MINDY4: variants seen among roughly 807,000 people sequenced by gnomAD.
MINDY4 encodes the protein probable ubiquitin carboxyl-terminal hydrolase MINDY-4.
A neutral mutation model predicts 87.0 loss-of-function variants in MINDY4; 68 were observed. That is an observed-to-expected ratio of 0.78 (90% CI 0.64 to 0.96). The LOEUF (loss-of-function observed/expected upper bound fraction) is 0.96. MINDY4 is among the 40% of genes least tolerant of loss of function. The probability of loss-of-function intolerance (pLI) is 0.00; values close to 1 mark genes in which losing one functional copy is unlikely to be tolerated. For missense variants in MINDY4, 919 were observed against 928.2 expected (o/e 0.99, Z 0.13); for synonymous variants, 379 against 363.2 (o/e 1.04, Z -0.50).
At chr7:30,803,263 G>C (rs1787711514) in intron 5 of MINDY4, 1 of 152,218 alleles carries the variant, frequency 6.6e-6, no homozygotes, top group East Asian at 1.9e-4. Context: ...GAGTATAGGG[G>C]TGACTTGTCT....
chr7:30,844,697 G>A (rs546227811), intron 9 of MINDY4, among the ~76,000 whole-genome samples: 10 of 152,310 alleles, frequency 6.6e-5, no homozygotes, highest in African/African-American at 2.4e-4. Context: ...GCCTGTAGAT[G>A]TTGGTGCCCA....
Position 30,813,154 on chromosome 7 carries a change from C to T in MINDY4, c.1074-15525C>T, listed in dbSNP as rs1182553618. ...TTCAGCCTCATGCTTGCATTAGATT[C>T]AGATCCTTAAAAACCAGAGAACCAG... is the stretch of plus-strand genomic sequence containing the variant. On this transcript the variant is annotated intron_variant, in intron 5 of 17. Coordinates refer to ENST00000265299, the MANE Select transcript of MINDY4 (RefSeq NM_032222.3). Among the ~76,000 whole-genome samples the T allele has an allele frequency of 2.0e-5, 3 of 152,176 alleles. No individual in the cohort carries two copies. The East Asian group carries it at 5.8e-4, about 29-fold the overall frequency.
chr7:30,872,276 C>T lies in MINDY4; in HGVS notation c.1779C>T (p.His593=). The change falls in exon 14 of 18, where the codon CAC becomes CAT. Residue 593 remains histidine (H), a synonymous_variant. Transcript: ENST00000265299. ...AGGACTTTGATGTCCCCACCAGCCA[C>T]CTGATTGGAGCACATGGCTACTGTA... ...IRQDFDVPTS[H]LIGAHGYCTQ... 1.2e-6 allele frequency: 2 copies of T among 1,614,156 alleles called. No individual in the cohort carries two copies. Among genetic ancestry groups the T allele is most frequent in the African/African-American group, 1.3e-5 (1 of 75,058 alleles).
At chr7:30,816,933 A>G (rs1248826273) in intron 5 of MINDY4, among the ~76,000 whole-genome samples, 1 of 152,188 alleles carries the variant, frequency 6.6e-6, no homozygotes, top group African/African-American at 2.4e-5. Context: ...AGAACTGGCA[A>G]CTGCAGGGTA....
intron 5 of MINDY4, among the ~76,000 whole-genome samples, chr7:30,823,290 A>T (rs1332527517): frequency 6.6e-6 from 1 of 152,244 alleles, no homozygotes; most frequent in East Asian, 1.9e-4. Flanking sequence ...AAAACCTTCC[A>T]TCCAGTTGTA....
At chr7:30,835,407 G>T (rs1323649994) in intron 6 of MINDY4, among the ~76,000 whole-genome samples, 2 of 152,182 alleles carry the variant, frequency 1.3e-5, no homozygotes, top group Non-Finnish European at 2.9e-5. Flanking sequence ...TGGGTCCCTC[G>T]CACAGCACAT....
At chr7:30,847,889 C>T (rs1236474385) in intron 9 of MINDY4, among the ~76,000 whole-genome samples, 1 of 152,114 alleles carries the variant, frequency 6.6e-6, no homozygotes, top group Non-Finnish European at 1.5e-5. Context: ...GCACATGCCA[C>T]CACACCTGGC....
intron 6 of MINDY4, among the ~76,000 whole-genome samples, chr7:30,830,872 A>G (rs1424844184): frequency 6.6e-6 from 1 of 152,160 alleles, no homozygotes; most frequent in Admixed American, 6.5e-5. Flanking sequence ...TATATGAGAA[A>G]GATTGGTTGG....
intron 15 of MINDY4, among the ~76,000 whole-genome samples, chr7:30,880,909 G>T (rs7786975): frequency 6.6e-6 from 1 of 152,260 alleles, no homozygotes; most frequent in African/African-American, 2.4e-5. Context: ...TGGGGACCTG[G>T]TTCAGGACCT....
At chr7:30,871,402 G>A (rs561302494) in intron 13 of MINDY4, among the ~76,000 whole-genome samples, 1 of 152,294 alleles carries the variant, frequency 6.6e-6, no homozygotes, top group South Asian at 2.1e-4. Flanking sequence ...CATTGGGGTG[G>A]CTAAAAGGAA....
chr7:30,777,014 C>CTT (rs200146980), intron 1 of MINDY4, among the ~76,000 whole-genome samples: 8 of 129,022 alleles, frequency 6.2e-5, no homozygotes, highest in East Asian at 4.2e-4. Flanking sequence ...TTTTCTTTTT[C>CTT]TTTTTTTTTT....
chr7:30,842,808 C>T (rs779321001), intron 9 of MINDY4, among the ~76,000 whole-genome samples: 7 of 152,172 alleles, frequency 4.6e-5, no homozygotes, highest in African/African-American at 7.2e-5. Flanking sequence ...CTTATTCCCC[C>T]TCAAATTGTT....
rs1554277320 is a variant in MINDY4 at position 30,782,012 on chromosome 7, C to T, written c.219C>T (p.Leu73=). 1 of 1,614,102 alleles carries T rather than the reference C, an allele frequency of 6.2e-7. No homozygotes were observed. Among genetic ancestry groups the T allele is most frequent in the Admixed American group, 1.7e-5 (1 of 60,030 alleles). The change falls in exon 3 of 18, where the codon CTC becomes CTT. Residue 73 remains leucine, a synonymous_variant. Coordinates refer to ENST00000265299, the MANE Select transcript of MINDY4 (RefSeq NM_032222.3). Reference sequence around the variant, plus strand: ...ATCCTCTAAAAACAAGCCTTGAACTCATCACCAGATACTTTCTGGATCACT... The same window carrying T: ...ATCCTCTAAAAACAAGCCTTGAACTTATCACCAGATACTTTCTGGATCACT... ...KENPLKTSLE[L]ITRYFLDHFG... is the part of the protein sequence containing the mutation.
At position 30,828,318 on chromosome 7, in the gene MINDY4, T is replaced by TTGTG. The variant is rs60396175; in HGVS notation, c.1074-333_1074-330dup. Among the ~76,000 whole-genome samples, 563 of 147,986 alleles carry TTGTG rather than the reference T, an allele frequency of 3.8e-3. 3 individuals carry two copies. The highest frequency in any genetic ancestry group is 0.011 in the African/African-American group (445 of 40,494). ...TGGGCAATGATGACAAGAACTCGATTTGTGTGTGTGTGTGTGTGTGTGTGT... is the reference window on the plus strand; with the variant it reads ...TGGGCAATGATGACAAGAACTCGATTTGTGTGTGTGTGTGTGTGTGTGTGTGTGT... On this transcript the variant is annotated intron_variant, in intron 5 of 17. Coordinates refer to ENST00000265299, the MANE Select transcript of MINDY4 (RefSeq NM_032222.3).
chr7:30,812,141 T>C (rs2128558480), intron 5 of MINDY4, among the ~76,000 whole-genome samples: 1 of 152,224 alleles, frequency 6.6e-6, no homozygotes, highest in Middle Eastern at 3.4e-3. Flanking sequence ...AAACCCCATG[T>C]GGATTTGGCA....
In MINDY4 at chr7:30,816,547, G is replaced by A. The variant is rs192184970; in HGVS notation, c.1074-12132G>A. Among the ~76,000 whole-genome samples the A allele has an allele frequency of 2.5e-3, 381 of 152,230 alleles. 5 individuals are homozygous for A. The highest frequency in any genetic ancestry group is 8.4e-4 in the Non-Finnish European group (57 of 68,012). ...AGTACAGCATGTGTTCTCTGCAGCC[G>A]AACAGCCTGGGCCCGATGGCTTTTC... is the stretch of plus-strand genomic sequence containing the variant. On this transcript the variant is annotated intron_variant, in intron 5 of 17. Transcript: ENST00000265299.
In MINDY4 at chr7:30,875,396, C is replaced by T. The variant is rs2128579469; in HGVS notation, c.1810-99C>T. ...TCAGGCTCTCTCCCTCCTTGCTTTCCTTCCTTCTCCACCCTTTTTGTCTTT... is the reference window on the plus strand; with the variant it reads ...TCAGGCTCTCTCCCTCCTTGCTTTCTTTCCTTCTCCACCCTTTTTGTCTTT... On this transcript the variant is annotated intron_variant, in intron 14 of 17. Coordinates refer to ENST00000265299, the MANE Select transcript of MINDY4 (RefSeq NM_032222.3). 5.2e-6 allele frequency: 7 copies of T among 1,356,180 alleles called. No homozygotes were observed. In the South Asian group the frequency reaches 8.2e-5, roughly 16 times the overall value. 84.0% of individuals were successfully genotyped at this position (1,356,180 alleles called of 1,614,324 possible). A position where few individuals can be genotyped will look rare whatever the true frequency, so the allele number is the denominator to read the frequency against.
intron 13 of MINDY4, among the ~76,000 whole-genome samples, chr7:30,871,080 T>TGA (rs1790092808): frequency 1.3e-5 from 2 of 151,312 alleles, no homozygotes; most frequent in South Asian, 4.2e-4. Context: ...GGGCTGCATG[T>TGA]GACCGCCAGG....
intron 17 of MINDY4, 75 bp downstream of exon 17, chr7:30,883,068 C>G (rs1198682703): frequency 6.9e-7 from 1 of 1,440,304 alleles, no homozygotes; most frequent in Admixed American, 1.7e-5. Flanking sequence ...GGTGGTCAGG[C>G]CTGCAGGAAG....
Sources: allele counts gnomAD v4.1 joint callset (sites outside exome capture counted in the v4.1 genomes callset), GRCh38; gene constraint gnomAD v4.1.1; transcripts MANE v1.5; gene names NCBI Gene and HGNC (gene_info 2026-07-23, HGNC 2026-07-21).